Variants in ADCY10 observed in about 807,000 individuals in gnomAD.
ADCY10 encodes adenylate cyclase type 10.
ADCY10 carries 156 observed loss-of-function variants against 183.3 expected under a neutral mutation model. The observed-to-expected ratio is 0.85, with a 90% CI of 0.75 to 0.97. The LOEUF (loss-of-function observed/expected upper bound fraction) is 0.97, where lower values mean the gene tolerates loss of function less well. Among genes scored for constraint, ADCY10 ranks in the 50% least tolerant of loss-of-function variants. The probability of loss-of-function intolerance (pLI) is 0.00; values close to 1 mark genes in which losing one functional copy is unlikely to be tolerated. For missense variants in ADCY10, 1,745 were observed against 1,934.3 expected (o/e 0.90, Z 1.84); for synonymous variants, 645 against 670.0 (o/e 0.96, Z 0.58).
intron 26 of ADCY10, among the ~76,000 whole-genome samples, chr1:167,825,259 A>G (rs1663195883): frequency 6.6e-6 from 1 of 152,124 alleles, no homozygotes; most frequent in South Asian, 2.1e-4. Flanking sequence ...GTTTGTTATA[A>G]CAAGCATGTA....
At chr1:167,875,322 C>T in intron 12 of ADCY10, 136 bp from the exon 13 acceptor site, 1 of 828,294 alleles carries the variant, frequency 1.2e-6, no homozygotes, top group Non-Finnish European at 2.0e-6. Flanking sequence ...TCACGGGTCG[C>T]AAACGCCAAA....
intron 9 of ADCY10, among the ~76,000 whole-genome samples, chr1:167,881,480 A>C (rs1161194599): frequency 2.0e-5 from 3 of 152,214 alleles, no homozygotes; most frequent in Non-Finnish European, 2.9e-5. Flanking sequence ...CCTTGACATG[A>C]AGGGGGAAAC....
At chr1:167,828,836 C>G (rs1417588593) in intron 26 of ADCY10, among the ~76,000 whole-genome samples, 2 of 152,030 alleles carry the variant, frequency 1.3e-5, no homozygotes, top group East Asian at 3.9e-4. Flanking sequence ...GTGGCGCATG[C>G]CTGTAGTCCC....
chr1:167,891,212 G>A (rs925083714), intron 8 of ADCY10, among the ~76,000 whole-genome samples: 1 of 151,824 alleles, frequency 6.6e-6, no homozygotes, highest in Non-Finnish European at 1.5e-5. Context: ...CACCCACCTC[G>A]GCCTCCCAAA....
chr1:167,824,612 T>G lies in ADCY10; in HGVS notation c.3955+39A>C, dbSNP rs1490725986. 3 of 1,613,746 alleles carry G rather than the reference T, an allele frequency of 1.9e-6. No homozygotes were observed. The African/African-American group carries it at 4.0e-5, about 22-fold the overall frequency. On this transcript the variant is annotated intron_variant, in intron 27 of 32. Coordinates refer to ENST00000367851, the MANE Select transcript of ADCY10 (RefSeq NM_018417.6). The stretch of plus-strand genomic sequence containing the variant: ...ATTCCAGTATATTGTGGGGCATTCC[T>G]TGTATCCTCATGTCCCATCTTGCCC...
rs1446038304 is a variant in ADCY10 at position 167,890,162 on chromosome 1, A to T, written c.828+3691T>A. ...CATTGAAGAGTTAGGTATTTATTGT[A>T]GTCTTTGACATTTAGGACTGTTTGT... On this transcript the variant is annotated intron_variant, in intron 8 of 32. Coordinates refer to ENST00000367851, the MANE Select transcript of ADCY10 (RefSeq NM_018417.6). Among the ~76,000 whole-genome samples the T allele has an allele frequency of 2.6e-5, 4 of 152,202 alleles. No individual in the cohort carries two copies. The East Asian group carries it at 7.7e-4, about 29-fold the overall frequency.
chr1:167,883,389 GCTAACCTAAAA>G, intron 9 of ADCY10, 37 bp downstream of exon 9: 1 of 1,595,052 alleles, frequency 6.3e-7, no homozygotes, highest in Non-Finnish European at 8.6e-7. Context: ...GTCCATGAAT[GCTAACCTAAAA>G]CTATTGGTAG....
In ADCY10 at chr1:167,874,740, T is replaced by A. The variant is rs183024439; in HGVS notation, c.1462+391A>T. ...AAATGTTGCACAGCAACAGAATGGG[T>A]AAATTGTTGTATATTTATAAAAATG... On this transcript the variant is annotated intron_variant, in intron 13 of 32. Transcript: ENST00000367851. Among the ~76,000 whole-genome samples, 14 of 152,288 alleles carry A rather than the reference T, an allele frequency of 9.2e-5. No homozygotes were observed. The East Asian group carries it at 2.7e-3, about 29-fold the overall frequency.
At chr1:167,865,803 A>G (rs773930396) in intron 14 of ADCY10, among the ~76,000 whole-genome samples, 1 of 152,230 alleles carries the variant, frequency 6.6e-6, no homozygotes, top group Non-Finnish European at 1.5e-5. Flanking sequence ...GCTTGTGCAC[A>G]TGGCAGGCCA....
At chr1:167,871,177 TTA>T (rs1667081844) in intron 13 of ADCY10, among the ~76,000 whole-genome samples, 1 of 152,146 alleles carries the variant, frequency 6.6e-6, no homozygotes, top group Non-Finnish European at 1.5e-5. Context: ...CATTAAACAA[TTA>T]TGGATAAAAT....
chr1:167,860,150 T>C (rs1359491489), intron 15 of ADCY10, among the ~76,000 whole-genome samples: 1 of 152,168 alleles, frequency 6.6e-6, no homozygotes, highest in Admixed American at 6.6e-5. Flanking sequence ...TATTACATTG[T>C]AATATATAAT....
At chr1:167,901,619 C>T in intron 5 of ADCY10, 43 bp downstream of exon 5, 2 of 1,599,636 alleles carry the variant, frequency 1.3e-6, no homozygotes, top group Non-Finnish European at 1.7e-6. Flanking sequence ...AGTCAAGACC[C>T]TATCCCAGCT....
intron 12 of ADCY10, among the ~76,000 whole-genome samples, chr1:167,876,911 A>G (rs950142263): frequency 6.6e-6 from 1 of 152,144 alleles, no homozygotes; most frequent in Non-Finnish European, 1.5e-5. Context: ...AACATGCTGG[A>G]TGGAAGATGA....
rs1185561624 is a variant in ADCY10, at chr1:167,822,022, A to G, written c.4286+2T>C. 1 of 1,547,208 alleles carries G rather than the reference A, an allele frequency of 6.5e-7. No individual in the cohort carries two copies. The highest frequency in any genetic ancestry group is 1.4e-5 in the African/African-American group (1 of 73,408). ...ATTTAGTGATATGCCACACATTGTTACCAGATAGCTACAGAGGAATAAAGT... is the reference window on the plus strand; with the variant it reads ...ATTTAGTGATATGCCACACATTGTTGCCAGATAGCTACAGAGGAATAAAGT... On this transcript the variant is annotated splice_donor_variant, in intron 30 of 32. Coordinates refer to ENST00000367851, the MANE Select transcript of ADCY10 (RefSeq NM_018417.6). LOFTEE classifies it high-confidence loss of function.
intron 19 of ADCY10, among the ~76,000 whole-genome samples, chr1:167,847,152 C>T (rs571785549): frequency 1.3e-5 from 2 of 151,908 alleles, no homozygotes; most frequent in African/African-American, 4.8e-5. Flanking sequence ...GTCTCGAACT[C>T]CTGACCTCAG....
intron 19 of ADCY10, among the ~76,000 whole-genome samples, chr1:167,847,825 T>C (rs1234847038): frequency 6.6e-6 from 1 of 152,222 alleles, no homozygotes; most frequent in Admixed American, 6.5e-5. Context: ...ATTTGGTTTC[T>C]GTTTAATTGA....
rs115917689 is a variant in ADCY10, at chr1:167,839,827, A to G, written c.3008-2509T>C. 6.5e-3 allele frequency among the ~76,000 whole-genome samples: 994 copies of G among 152,304 alleles called. 10 individuals are homozygous for G. The highest frequency in any genetic ancestry group is 0.023 in the African/African-American group (959 of 41,558). ...CCTGGCACATGGTAGACGCTTAATA[A>G]ATGTTTGTTGCATAAACGCACGTTT... On this transcript the variant is annotated intron_variant, in intron 21 of 32. Coordinates refer to ENST00000367851, the MANE Select transcript of ADCY10 (RefSeq NM_018417.6).
intron 18 of ADCY10, among the ~76,000 whole-genome samples, chr1:167,850,926 C>T (rs546380597): frequency 6.6e-6 from 1 of 152,050 alleles, no homozygotes; most frequent in South Asian, 2.1e-4. Flanking sequence ...GGGAAACAAA[C>T]ATTAAACAAT....
At chr1:167,899,397 T>C (rs1268012789) in intron 6 of ADCY10, 26 bp downstream of exon 6, 2 of 1,612,438 alleles carry the variant, frequency 1.2e-6, no homozygotes, top group Non-Finnish European at 1.7e-6. Context: ...GGCAGAACTT[T>C]CTGTAAGTAG....
Sources: gnomAD v4.1 joint callset for allele counts (sites outside exome capture counted in the v4.1 genomes callset) on GRCh38, gnomAD v4.1.1 for gene constraint, MANE v1.5 for transcripts, NCBI Gene and HGNC (gene_info 2026-07-23, HGNC 2026-07-21) for gene names.